Variants in NFAT5 observed in about 807,000 individuals in gnomAD.
NFAT5 encodes nuclear factor of activated T-cells 5.
In NFAT5, 31 loss-of-function variants were observed where a neutral mutation model predicts 166.5. The observed-to-expected ratio is 0.19, with a 90% confidence interval of 0.14 to 0.25. NFAT5 has a LOEUF of 0.25. Ranked by LOEUF, NFAT5 falls within the 10% of genes least tolerant of loss-of-function variation. The pLI, the probability that NFAT5 is intolerant of heterozygous loss-of-function variation, is 1.00. For synonymous variants in NFAT5, 612 were observed against 639.7 expected (o/e 0.96, Z 0.65); for missense variants, 1,449 against 1,821.8 (o/e 0.80, Z 3.72).
At chr16:69,672,809 A>G (rs185294853) in intron 9 of NFAT5, among the ~76,000 whole-genome samples, 1 of 152,328 alleles carries the variant, frequency 6.6e-6, no homozygotes, top group Admixed American at 6.5e-5. Context: ...AGATTAATGT[A>G]GACTCCCTTG....
In NFAT5 at chr16:69,692,884, A is replaced by G; in HGVS notation, c.3059A>G (p.Asn1020Ser). ...ETGTQAKQIQ[N>S]SVFQTMVQMQ... The stretch of plus-strand genomic sequence containing the variant: ...GGAACACAAGCAAAACAGATTCAGA[A>G]CAGTGTCTTTCAGACCATGGTCCAA... Residue 1020 changes from asparagine (N) to serine (S), a missense_variant, in exon 13 of 15, where the codon AAC becomes AGC. By Grantham distance (46) the Asn-to-Ser change is conservative. Coordinates refer to ENST00000349945, the MANE Select transcript of NFAT5 (RefSeq NM_138713.4). 1.2e-6 allele frequency: 2 copies of G among 1,614,240 alleles called. No individual in the cohort carries two copies. Among genetic ancestry groups the G allele is most frequent in the African/African-American group, 1.3e-5 (1 of 75,062 alleles).
chr16:69,689,395 A>C (rs1252800275), intron 11 of NFAT5, among the ~76,000 whole-genome samples: 1 of 152,256 alleles, frequency 6.6e-6, no homozygotes, highest in Non-Finnish European at 1.5e-5. Context: ...ACTTAGGTAG[A>C]ATAATAAAAC....
chr16:69,607,282 T>C (rs529625748), intron 2 of NFAT5, among the ~76,000 whole-genome samples: 2 of 152,360 alleles, frequency 1.3e-5, no homozygotes, highest in East Asian at 1.9e-4. Context: ...TTATTTATTA[T>C]AAACAATATT....
At chr16:69,593,237 T>C (rs1003587800) in intron 2 of NFAT5, among the ~76,000 whole-genome samples, 1 of 152,224 alleles carries the variant, frequency 6.6e-6, no homozygotes, top group East Asian at 1.9e-4. Context: ...TCTTTCTAGA[T>C]GTTATAGTGA....
chr16:69,609,510 G>A (rs986210580), intron 2 of NFAT5, among the ~76,000 whole-genome samples: 1 of 152,184 alleles, frequency 6.6e-6, no homozygotes, highest in Non-Finnish European at 1.5e-5. Flanking sequence ...GAAAGTAAGG[G>A]AAACAAAGTT....
In NFAT5 at chr16:69,626,387, T is replaced by A; in HGVS notation, c.128-16T>A. 6.4e-7 allele frequency: 1 copy of A among 1,553,782 alleles called. No homozygotes were observed. The highest frequency in any genetic ancestry group is 8.6e-7 in the Non-Finnish European group (1 of 1,156,938). ...CTTTTAAAAATTGTTTTCTCCTCTC[T>A]TTCCCCTCCCCACAGAATCTGTCTA... On this transcript the variant is annotated splice_polypyrimidine_tract_variant and intron_variant, in intron 2 of 14. Transcript: ENST00000349945.
intron 2 of NFAT5, among the ~76,000 whole-genome samples, chr16:69,599,289 G>C (rs947366998): frequency 6.6e-6 from 1 of 151,992 alleles, no homozygotes; most frequent in African/African-American, 2.4e-5. Context: ...AAAAATGTTG[G>C]GAGTTGGCCA....
intron 5 of NFAT5, among the ~76,000 whole-genome samples, chr16:69,655,193 G>A (rs1158599442): frequency 2.0e-5 from 3 of 152,048 alleles, no homozygotes; most frequent in East Asian, 3.9e-4. Flanking sequence ...AGTAGCTTTA[G>A]TAGAATAAAA....
Position 69,608,528 on chromosome 16 carries a change from G to A in NFAT5, c.128-17875G>A, listed in dbSNP as rs556433285. ...TCCCAGCACTTTGGGAGGCCGAGGC[G>A]GGCGGATCACGAGGTCAGGAGATCG... is the stretch of plus-strand genomic sequence containing the variant. On this transcript the variant is annotated intron_variant, in intron 2 of 14. Transcript: ENST00000349945. Among the ~76,000 whole-genome samples, 41 of 152,178 alleles carry A rather than the reference G, an allele frequency of 2.7e-4. 1 individual carries two copies. Among genetic ancestry groups the A allele is most frequent in the South Asian group, 4.2e-4 (2 of 4,816 alleles).
At position 69,566,485 on chromosome 16, in the gene NFAT5, AC is replaced by A; in HGVS notation, c.73+116del. ...TCCCGCCGGGGGCGGCTGAGCCGCGACCCCCATGGCTTCTTTGGCCGGAGCG... is the reference window on the plus strand; with the variant it reads ...TCCCGCCGGGGGCGGCTGAGCCGCGACCCCATGGCTTCTTTGGCCGGAGCG... On this transcript the variant is annotated intron_variant, in intron 1 of 14. Transcript: ENST00000349945. This position sits in a 1 kb window ranked among gnomAD's most constrained non-coding sequence, Gnocchi z 5.7. 2 of 908,800 alleles carry A rather than the reference AC, an allele frequency of 2.2e-6. No individual in the cohort carries two copies. The highest frequency in any genetic ancestry group is 1.7e-6 in the Non-Finnish European group (1 of 576,266). 56.3% of individuals were successfully genotyped at this position (908,800 alleles called of 1,614,324 possible).
chr16:69,596,043 T>C (rs2032769912), intron 2 of NFAT5, among the ~76,000 whole-genome samples: 1 of 152,204 alleles, frequency 6.6e-6, no homozygotes, highest in South Asian at 2.1e-4. Context: ...AATTGGAATT[T>C]TTCATTTAAT....
chr16:69,579,205 C>A (rs541030608), intron 2 of NFAT5, among the ~76,000 whole-genome samples: 66 of 152,174 alleles, frequency 4.3e-4, no homozygotes, highest in African/African-American at 1.0e-3. Context: ...TTGTGAACTC[C>A]AAGACATTTT....
intron 3 of NFAT5, among the ~76,000 whole-genome samples, chr16:69,636,819 G>C (rs2034987772): frequency 6.6e-6 from 1 of 152,144 alleles, no homozygotes; most frequent in Non-Finnish European, 1.5e-5. Flanking sequence ...CTGCCACAAA[G>C]GTCTCTGACA....
chr16:69,666,824 A>G (rs1306811599), intron 7 of NFAT5, among the ~76,000 whole-genome samples: 1 of 152,054 alleles, frequency 6.6e-6, no homozygotes, highest in Non-Finnish European at 1.5e-5. Flanking sequence ...ATTACTGGGT[A>G]TATACCCAAA....
At chr16:69,662,081 T>A (rs2151651129) in intron 7 of NFAT5, among the ~76,000 whole-genome samples, 1 of 152,230 alleles carries the variant, frequency 6.6e-6, no homozygotes, top group South Asian at 2.1e-4. Flanking sequence ...CATATAAAAA[T>A]TATATAAGCT....
intron 2 of NFAT5, among the ~76,000 whole-genome samples, chr16:69,606,193 G>A (rs946391980): frequency 2.6e-5 from 4 of 152,126 alleles, no homozygotes; most frequent in African/African-American, 9.7e-5. Flanking sequence ...CTCTTGCAAG[G>A]TTTCTTCAGG....
At chr16:69,598,165 T>C (rs550437875) in intron 2 of NFAT5, among the ~76,000 whole-genome samples, 2 of 152,040 alleles carry the variant, frequency 1.3e-5, no homozygotes, top group Admixed American at 1.3e-4. Flanking sequence ...GGAGGATAGC[T>C]TGAGCCCAGG....
intron 3 of NFAT5, among the ~76,000 whole-genome samples, chr16:69,638,652 C>T (rs2035072420): frequency 6.7e-6 from 1 of 149,010 alleles, no homozygotes; most frequent in African/African-American, 2.5e-5. Context: ...AGGAGAATCA[C>T]TTGAACCCAG....
chr16:69,566,015 G>T lies in NFAT5; in HGVS notation c.-287G>T. 2.6e-6 allele frequency: 1 copy of T among 384,050 alleles called. No homozygotes were observed. The highest frequency in any genetic ancestry group is 3.3e-5 in the South Asian group (1 of 29,902). The allele number at this position is 384,050 out of a possible 1,614,324, so 23.8% of individuals were successfully genotyped here. ...GTGGCGGCGACCGTCAGTTTTCGCT[G>T]AGGAGAAACACGAAACGGACCCTTT... is the stretch of plus-strand genomic sequence containing the variant. On this transcript the variant is annotated 5_prime_UTR_variant, in exon 1 of 15. Coordinates refer to ENST00000349945, the MANE Select transcript of NFAT5 (RefSeq NM_138713.4). The surrounding 1 kb of genome is among the most constrained non-coding windows in gnomAD (Gnocchi z 5.7).
Sources: allele counts gnomAD v4.1 joint callset (sites outside exome capture counted in the v4.1 genomes callset), GRCh38; gene constraint gnomAD v4.1.1; non-coding constraint Gnocchi (gnomAD v3.1); transcripts MANE v1.5; gene names NCBI Gene and HGNC (gene_info 2026-07-23, HGNC 2026-07-21).